Variants in TOP6BL observed in about 807,000 individuals in gnomAD.
The protein encoded by TOP6BL is TOP6B like initiator of meiotic double strand breaks.
the TOP6BL span, among the ~76,000 whole-genome samples, chr11:66,822,068 C>T: frequency 8.5e-5 from 13 of 152,362 alleles, 1 homozygote; most frequent in African/African-American, 3.1e-4. Flanking sequence ...CCCCTTCCCA[C>T]ACAGACTTCT....
At chr11:66,836,678 C>A in the TOP6BL span, among the ~76,000 whole-genome samples, 15 of 145,790 alleles carry the variant, frequency 1.0e-4, no homozygotes, top group African/African-American at 3.8e-4. Context: ...CATAGTGAGA[C>A]CTCGTCACTA....
chr11:66,775,007 G>A, the TOP6BL span, among the ~76,000 whole-genome samples: 5 of 150,838 alleles, frequency 3.3e-5, no homozygotes, highest in South Asian at 6.3e-4. Context: ...CAGCTACTCC[G>A]GAAGCTGAAG....
the TOP6BL span, among the ~76,000 whole-genome samples, chr11:66,837,660 G>A: frequency 0.011 from 1,634 of 146,542 alleles, 36 homozygotes; most frequent in African/African-American, 0.038. Flanking sequence ...GGCCAGGCTA[G>A]TCTCGAACTC....
chr11:66,787,344 C>T, the TOP6BL span, among the ~76,000 whole-genome samples: 1 of 151,860 alleles, frequency 6.6e-6, no homozygotes, highest in Non-Finnish European at 1.5e-5. Context: ...TATTTTAGGG[C>T]ATATTTTTTT....
At chr11:66,801,761 A>G in the TOP6BL span, among the ~76,000 whole-genome samples, 1 of 152,154 alleles carries the variant, frequency 6.6e-6, no homozygotes. Context: ...ACTTGAACCC[A>G]GGAGGTGGAG....
the TOP6BL span, among the ~76,000 whole-genome samples, chr11:66,827,358 C>T: frequency 2.6e-3 from 391 of 152,246 alleles, no homozygotes; most frequent in Non-Finnish European, 4.6e-3. Flanking sequence ...CCCACTTCTC[C>T]TTTTTGAATT....
the TOP6BL span, among the ~76,000 whole-genome samples, chr11:66,787,381 A>G: frequency 1.3e-5 from 2 of 151,676 alleles, no homozygotes; most frequent in Non-Finnish European, 2.9e-5. Context: ...TTAAAGTTTA[A>G]TTTTTGTGTA....
chr11:66,831,764 G>A, the TOP6BL span, among the ~76,000 whole-genome samples: 1 of 152,120 alleles, frequency 6.6e-6, no homozygotes, highest in Non-Finnish European at 1.5e-5. Context: ...GGGAGGCTGA[G>A]GCGAGTGGAT....
the TOP6BL span, among the ~76,000 whole-genome samples, chr11:66,766,088 A>C: frequency 6.6e-6 from 1 of 152,268 alleles, no homozygotes; most frequent in South Asian, 2.1e-4. Context: ...GATGCTAAAA[A>C]ATTGTGTATC....
At chr11:66,821,833 C>A in the TOP6BL span, 2 of 1,557,780 alleles carry the variant, frequency 1.3e-6, no homozygotes, top group Non-Finnish European at 1.7e-6. Flanking sequence ...ATATGGCAGG[C>A]AGGGCCCAGG....
the TOP6BL span, among the ~76,000 whole-genome samples, chr11:66,833,680 G>A: frequency 6.6e-6 from 1 of 152,004 alleles, no homozygotes; most frequent in Admixed American, 6.6e-5. Context: ...AGGTGCGGTG[G>A]CTCACTCCTG....
At chr11:66,806,402 CAAT>C in the TOP6BL span, among the ~76,000 whole-genome samples, 1 of 152,028 alleles carries the variant, frequency 6.6e-6, no homozygotes, top group Non-Finnish European at 1.5e-5. Context: ...AATGAGTACT[CAAT>C]AATATTAATA....
chr11:66,828,538 C>G, the TOP6BL span: 7 of 570,454 alleles, frequency 1.2e-5, no homozygotes, highest in Non-Finnish European at 6.3e-6. Flanking sequence ...GAATGACTAT[C>G]CCACTGGTTG....
the TOP6BL span, among the ~76,000 whole-genome samples, chr11:66,825,179 T>TA: frequency 6.6e-6 from 1 of 150,664 alleles, no homozygotes; most frequent in East Asian, 2.0e-4. Flanking sequence ...AGTGCCTTTA[T>TA]AAAAAAGGCC....
chr11:66,746,358 G>A, the TOP6BL span, among the ~76,000 whole-genome samples: 6 of 151,884 alleles, frequency 4.0e-5, no homozygotes, highest in African/African-American at 4.8e-5. Flanking sequence ...AGACCGAGGC[G>A]GGCAGATCAC....
the TOP6BL span, among the ~76,000 whole-genome samples, chr11:66,782,061 A>G: frequency 1.3e-5 from 2 of 152,156 alleles, no homozygotes; most frequent in Admixed American, 1.3e-4. Context: ...TAGAAAGCCA[A>G]TGCATTTTTC....
At chr11:66,815,512 A>G in the TOP6BL span, among the ~76,000 whole-genome samples, 3 of 152,224 alleles carry the variant, frequency 2.0e-5, no homozygotes, top group South Asian at 2.1e-4. Context: ...TAGTCAGTCT[A>G]GCAAAGTCTA....
At chr11:66,751,922 T>C in the TOP6BL span, among the ~76,000 whole-genome samples, 1 of 152,234 alleles carries the variant, frequency 6.6e-6, no homozygotes, top group Non-Finnish European at 1.5e-5. Context: ...AGCATTTGTC[T>C]AAATCTACTC....
the TOP6BL span, among the ~76,000 whole-genome samples, chr11:66,810,727 A>G: frequency 2.2e-4 from 34 of 152,336 alleles, no homozygotes; most frequent in African/African-American, 6.5e-4. Flanking sequence ...ATCTGTAGCT[A>G]TCTGCTTAGG....
Sources: allele counts gnomAD v4.1 joint callset (sites outside exome capture counted in the v4.1 genomes callset), GRCh38; gene constraint gnomAD v4.1.1; transcripts MANE v1.5; gene names NCBI Gene and HGNC (gene_info 2026-07-23, HGNC 2026-07-21).